FAT4: variants seen among roughly 807,000 people sequenced by gnomAD.
The protein encoded by FAT4 is protocadherin Fat 4.
A neutral mutation model predicts 303.9 loss-of-function variants in FAT4; 84 were observed. That is an observed-to-expected ratio of 0.28 (90% CI 0.23 to 0.33). The LOEUF is 0.33. FAT4 is among the 10% of genes least tolerant of loss of function. The probability of loss-of-function intolerance (pLI) is 1.00; values close to 1 mark genes in which losing one functional copy is unlikely to be tolerated. For synonymous variants in FAT4, 2,307 were observed against 2,298.8 expected, an observed-to-expected ratio of 1.00 and a Z score of -0.10; for missense variants, 6,005 against 6,146.8, an observed-to-expected ratio of 0.98 and a Z score of 0.77.
chr4:125,410,650 T>C (rs1734804654), intron 5 of FAT4, among the ~76,000 whole-genome samples: 1 of 152,140 alleles, frequency 6.6e-6, no homozygotes, highest in Non-Finnish European at 1.5e-5. Flanking sequence ...TAGAATTGTA[T>C]GTTTTCCTGG....
At chr4:125,484,264 A>G (rs1353816957) in intron 16 of FAT4, among the ~76,000 whole-genome samples, 5 of 152,182 alleles carry the variant, frequency 3.3e-5, no homozygotes, top group African/African-American at 1.2e-4. Context: ...TCAGAAAAAG[A>G]AAAAATTAAG....
At position 125,490,863 on chromosome 4, in the gene FAT4, G is replaced by A; in HGVS notation, c.14047G>A (p.Gly4683Ser). Reference protein sequence around the residue: ...SLTYQPSYGQGLRTSSLSHSA... With the variant: ...SLTYQPSYGQSLRTSSLSHSA... Reference sequence around the variant, plus strand: ...GACTTACCAGCCTTCATATGGTCAAGGTTTGAGAACCAGCTCCCTAAGCCA... The same window carrying A: ...GACTTACCAGCCTTCATATGGTCAAAGTTTGAGAACCAGCTCCCTAAGCCA... Residue 4683 changes from glycine to serine, a missense_variant, in exon 18 of 18, where the codon GGT (glycine) becomes AGT (serine). By Grantham distance (56) the Gly-to-Ser change is moderately conservative. Transcript: ENST00000394329. The A allele has an allele frequency of 6.2e-7, 1 of 1,614,158 alleles. No homozygotes were observed. The highest frequency in any genetic ancestry group is 1.1e-5 in the South Asian group (1 of 91,086).
Position 125,468,580 on chromosome 4 carries a change from A to C in FAT4, c.11974A>C (p.Ser3992Arg). ...FEELSYMEFPSLDPNNNYIYV... is the reference protein window; with the variant it reads ...FEELSYMEFPRLDPNNNYIYV... ...GGAGTTATCATACATGGAATTTCCA[A>C]GCTTGGACCCCAATAACAACTATAT... is the stretch of plus-strand genomic sequence containing the variant. Residue 3992 changes from serine (S) to arginine (R), a missense_variant, in exon 12 of 18, where the codon AGC becomes CGC. By Grantham distance (110) the Ser-to-Arg change is moderately radical (BLOSUM62 -1). Transcript: ENST00000394329. 1 of 1,614,116 alleles carries C rather than the reference A, an allele frequency of 6.2e-7. No individual in the cohort carries two copies. The highest frequency in any genetic ancestry group is 8.5e-7 in the Non-Finnish European group (1 of 1,179,970).
rs184884584 is a variant in FAT4, at chr4:125,321,352, C to T, written c.4941C>T (p.Asn1647=). 4.8e-5 allele frequency: 77 copies of T among 1,614,060 alleles called. No homozygotes were observed. In the African/African-American group the frequency reaches 5.7e-4, roughly 12 times the overall value. Residue 1647 remains asparagine, a synonymous_variant, in exon 2 of 18, where the codon AAC becomes AAT. Coordinates refer to ENST00000394329, the MANE Select transcript of FAT4 (RefSeq NM_001291303.3). ...ILKEGEPIGT[N]VISIEAASPR... is the part of the protein sequence containing the mutation. ...AGGAAGGAGAACCCATTGGCACAAACGTGATATCAATAGAAGCAGCTAGCC... is the reference window on the plus strand; with the variant it reads ...AGGAAGGAGAACCCATTGGCACAAATGTGATATCAATAGAAGCAGCTAGCC...
At position 125,319,479 on chromosome 4, in the gene FAT4, A is replaced by G. The variant is rs2125942774; in HGVS notation, c.3068A>G (p.Lys1023Arg). The change falls in exon 2 of 18, where the codon AAG becomes AGG. Residue 1023 changes from lysine (K) to arginine (R), a missense_variant. Coordinates refer to ENST00000394329, the MANE Select transcript of FAT4 (RefSeq NM_001291303.3). ...SRFFKVQASDKDSGANGEIAY... is the reference protein window; with the variant it reads ...SRFFKVQASDRDSGANGEIAY... ...TTCTTTAAAGTACAAGCTTCTGATAAGGATTCAGGAGCAAATGGTGAAATT... is the reference window on the plus strand; with the variant it reads ...TTCTTTAAAGTACAAGCTTCTGATAGGGATTCAGGAGCAAATGGTGAAATT... 6.2e-7 allele frequency: 1 copy of G among 1,612,876 alleles called. No homozygotes were observed. Among genetic ancestry groups the G allele is most frequent in the South Asian group, 1.1e-5 (1 of 91,064 alleles).
At chr4:125,475,436 T>C (rs1262679834) in intron 12 of FAT4, among the ~76,000 whole-genome samples, 1 of 152,098 alleles carries the variant, frequency 6.6e-6, no homozygotes, top group Non-Finnish European at 1.5e-5. Context: ...TCATATGTTC[T>C]ACTAAACAGA....
intron 5 of FAT4, among the ~76,000 whole-genome samples, chr4:125,410,777 C>A (rs534353973): frequency 6.6e-6 from 1 of 152,164 alleles, no homozygotes; most frequent in East Asian, 1.9e-4. Context: ...ATATTCCATG[C>A]ACATGTAAGC....
intron 2 of FAT4, among the ~76,000 whole-genome samples, chr4:125,391,227 A>G (rs1284138439): frequency 6.6e-6 from 1 of 152,194 alleles, no homozygotes; most frequent in Non-Finnish European, 1.5e-5. Context: ...ATGTATGTTT[A>G]CTGCAGCTCT....
At position 125,481,557 on chromosome 4, in the gene FAT4, A is replaced by G; in HGVS notation, c.12641A>G (p.Lys4214Arg). 1 of 1,614,056 alleles carries G rather than the reference A, an allele frequency of 6.2e-7. No homozygotes were observed. Among genetic ancestry groups the G allele is most frequent in the Non-Finnish European group, 8.5e-7 (1 of 1,179,926 alleles). ...GACACTGCCTTATCATTAGAAGGCA[A>G]AGGGCGCTTGGACTACCACATGAGT... The part of the protein sequence containing the change: ...TPDTALSLEG[K>R]GRLDYHMSQN... The change falls in exon 16 of 18, where the codon AAA becomes AGA. Residue 4214 changes from lysine to arginine, a missense_variant. Lys to Arg is a conservative substitution (Grantham distance 26, BLOSUM62 2). Transcript: ENST00000394329.
intron 16 of FAT4, among the ~76,000 whole-genome samples, chr4:125,483,578 G>T (rs1727301507): frequency 6.6e-6 from 1 of 152,060 alleles, no homozygotes; most frequent in Non-Finnish European, 1.5e-5. Context: ...CTTCCAACAG[G>T]ACAGCGCATA....
intron 7 of FAT4, among the ~76,000 whole-genome samples, chr4:125,420,327 A>C (rs900450656): frequency 6.6e-6 from 1 of 152,214 alleles, no homozygotes; most frequent in African/African-American, 2.4e-5. Flanking sequence ...AAACACTTAG[A>C]AAAGGACCTG....
At chr4:125,339,514 G>C (rs2125966523) in intron 2 of FAT4, among the ~76,000 whole-genome samples, 1 of 152,078 alleles carries the variant, frequency 6.6e-6, no homozygotes, top group Non-Finnish European at 1.5e-5. Context: ...TATTTCTATG[G>C]TAATAGTTAT....
chr4:125,476,098 G>T, intron 12 of FAT4, 73 bp from the exon 13 acceptor site: 1 of 766,536 alleles, frequency 1.3e-6, no homozygotes, highest in South Asian at 1.8e-5. Context: ...GCAAGTCATG[G>T]GTAGTGTTGG....
Position 125,490,936 on chromosome 4 carries a change from C to G in FAT4, c.14120C>G (p.Pro4707Arg). 1 of 1,614,220 alleles carries G rather than the reference C, an allele frequency of 6.2e-7. No individual in the cohort carries two copies. Among genetic ancestry groups the G allele is most frequent in the Non-Finnish European group, 8.5e-7 (1 of 1,180,046 alleles). The change falls in exon 18 of 18, where the codon CCT (proline) becomes CGT (arginine). Residue 4707 changes from proline (P) to arginine (R), a missense_variant. Physicochemically the swap from Pro to Arg is moderately radical, Grantham distance 103. Transcript: ENST00000394329. ...CCTCTGTCTCGACACAGTCCAGCCC[C>G]TTTCTCCAAATCTTCTACGTTCTAT... ...PNPLSRHSPA[P>R]FSKSSTFYRN...
intron 2 of FAT4, among the ~76,000 whole-genome samples, chr4:125,326,136 T>C (rs920394401): frequency 1.3e-5 from 2 of 152,266 alleles, no homozygotes. Flanking sequence ...AAATGGACTA[T>C]GATTCATTAA....
chr4:125,451,339 T>C lies in FAT4; in HGVS notation c.10329T>C (p.Ser3443=), dbSNP rs1329131200. The C allele has an allele frequency of 1.2e-6, 2 of 1,614,024 alleles. No homozygotes were observed. Among genetic ancestry groups the C allele is most frequent in the African/African-American group, 2.7e-5 (2 of 74,924 alleles). Residue 3443 remains serine, a synonymous_variant, in exon 10 of 18, where the codon TCT becomes TCC. Coordinates refer to ENST00000394329, the MANE Select transcript of FAT4 (RefSeq NM_001291303.3). The stretch of plus-strand genomic sequence containing the variant: ...CCATCCCCAGCTGGAGCAGGTTTTC[T>C]TACTTCATCGGATCAGGGAATGAAA... ...SDSIPSWSRF[S]YFIGSGNENG...
Position 125,450,435 on chromosome 4 carries a change from A to G in FAT4, c.9425A>G (p.Asn3142Ser), listed in dbSNP as rs2126059432. The change falls in exon 10 of 18, where the codon AAT becomes AGT. Residue 3142 changes from asparagine (N) to serine (S), a missense_variant. Transcript: ENST00000394329. Reference protein sequence around the residue: ...SGNEEGIFAINSSTGILTLAK... With the variant: ...SGNEEGIFAISSSTGILTLAK... ...AATGAAGAAGGCATTTTTGCAATCA[A>G]TTCTTCTACAGGTATATTAACACTA... is the stretch of plus-strand genomic sequence containing the variant. The G allele has an allele frequency of 1.7e-5, 27 of 1,614,098 alleles. No homozygotes were observed. The highest frequency in any genetic ancestry group is 2.2e-5 in the East Asian group (1 of 44,864).
At position 125,319,192 on chromosome 4, in the gene FAT4, G is replaced by C; in HGVS notation, c.2781G>C (p.Met927Ile). Residue 927 changes from methionine (M) to isoleucine (I), a missense_variant, in exon 2 of 18, where the codon ATG (methionine) becomes ATC (isoleucine). Physicochemically the swap from Met to Ile is conservative, Grantham distance 10 (BLOSUM62 1). Transcript: ENST00000394329. ...AVDPDEGVNG[M>I]VLYSLKQNPK... ...ACCCTGATGAAGGTGTCAATGGCATGGTACTCTATAGTCTGAAGCAAAACC... is the reference window on the plus strand; with the variant it reads ...ACCCTGATGAAGGTGTCAATGGCATCGTACTCTATAGTCTGAAGCAAAACC... The C allele has an allele frequency of 1.2e-6, 2 of 1,614,110 alleles. No individual in the cohort carries two copies. Among genetic ancestry groups the C allele is most frequent in the Non-Finnish European group, 1.7e-6 (2 of 1,180,022 alleles).
chr4:125,390,501 A>G (rs141709036), intron 2 of FAT4, among the ~76,000 whole-genome samples: 1 of 152,228 alleles, frequency 6.6e-6, no homozygotes, highest in Non-Finnish European at 1.5e-5. Flanking sequence ...TTGAGATTCC[A>G]TACAGAAAAG....
Sources: allele counts gnomAD v4.1 joint callset (sites outside exome capture counted in the v4.1 genomes callset), GRCh38; gene constraint gnomAD v4.1.1; transcripts MANE v1.5; gene names NCBI Gene and HGNC (gene_info 2026-07-23, HGNC 2026-07-21).